Variants in ASB2 observed in about 807,000 individuals in gnomAD.
ASB2 encodes ankyrin repeat and SOCS box protein 2.
Under a neutral mutation model 62.4 loss-of-function variants are expected in ASB2, and 58 were observed. That is an observed-to-expected ratio of 0.93 (90% CI 0.75 to 1.16). The LOEUF (loss-of-function observed/expected upper bound fraction) is 1.16. ASB2 is among the 50% of genes most tolerant of loss of function. ASB2 has a pLI of 0.00. For synonymous variants in ASB2, 386 were observed against 385.3 expected, an observed-to-expected ratio of 1.00 and a Z score of -0.02; for missense variants, 928 against 887.9, an observed-to-expected ratio of 1.05 and a Z score of -0.57.
rs1479751789 is a variant in ASB2 at position 93,939,198 on chromosome 14, G to A, written c.1527C>T (p.Leu509=). Reference sequence around the variant, plus strand: ...CCGGCGGGTGCGGGCCGTTGCCGTAGAGGCATGAGAAGCAGGGCTCGCCGT... The same window carrying A: ...CCGGCGGGTGCGGGCCGTTGCCGTAAAGGCATGAGAAGCAGGGCTCGCCGT... ...GCDGEPCFSC[L]YGNGPHPPAP... Residue 509 remains leucine, a synonymous_variant, in exon 8 of 10, where the codon CTC becomes CTT. Transcript: ENST00000555019. 6.2e-7 allele frequency: 1 copy of A among 1,604,504 alleles called. No individual in the cohort carries two copies. Among genetic ancestry groups the A allele is most frequent in the Non-Finnish European group, 8.5e-7 (1 of 1,173,746 alleles).
At chr14:93,966,364 A>T (rs1324329637) in intron 1 of ASB2, among the ~76,000 whole-genome samples, 1 of 152,194 alleles carries the variant, frequency 6.6e-6, no homozygotes. Flanking sequence ...GCCTAGTTTT[A>T]TCCAAAGAGT....
At chr14:93,976,263 A>C (rs748855200) in intron 1 of ASB2, among the ~76,000 whole-genome samples, 171 bp downstream of exon 1, 12 of 152,232 alleles carry the variant, frequency 7.9e-5, no homozygotes, top group Non-Finnish European at 1.5e-4. Context: ...CATTGCATCC[A>C]AAACGAAAGT....
At position 93,939,530 on chromosome 14, in the gene ASB2, G is replaced by C; in HGVS notation, c.1195C>G (p.Leu399Val). The change falls in exon 8 of 10, where the codon CTG (leucine) becomes GTG (valine). Residue 399 changes from leucine (L) to valine (V), a missense_variant. Leu to Val is a conservative substitution (Grantham distance 32, BLOSUM62 1). Transcript: ENST00000555019. ...TAGAGGCGCGCGCGCTCGGGGGCCA[G>C]CGGCGTGTTCACGTCGAAGCGCGCG... Reference protein sequence around the residue: ...LSARFDVNTPLAPERARLYED... With the variant: ...LSARFDVNTPVAPERARLYED... 1 of 1,604,118 alleles carries C rather than the reference G, an allele frequency of 6.2e-7. No individual in the cohort carries two copies. Among genetic ancestry groups the C allele is most frequent in the Non-Finnish European group, 8.5e-7 (1 of 1,175,978 alleles).
intron 2 of ASB2, among the ~76,000 whole-genome samples, chr14:93,958,015 C>G (rs1261463809): frequency 6.6e-6 from 1 of 152,174 alleles, no homozygotes; most frequent in African/African-American, 2.4e-5. Context: ...TAGGCCAGAG[C>G]CTACAGATTC....
chr14:93,961,239 T>G (rs1443612719), intron 2 of ASB2, among the ~76,000 whole-genome samples: 4 of 152,238 alleles, frequency 2.6e-5, no homozygotes, highest in African/African-American at 9.6e-5. Context: ...TTTTTGTTGT[T>G]GCTGTTATAA....
chr14:93,965,517 A>G (rs1889560651), intron 1 of ASB2, among the ~76,000 whole-genome samples: 1 of 152,226 alleles, frequency 6.6e-6, no homozygotes. Flanking sequence ...AAAATGCCTC[A>G]AAGAGTAATA....
chr14:93,949,220 T>C (rs1176676903), intron 6 of ASB2, among the ~76,000 whole-genome samples: 4 of 152,330 alleles, frequency 2.6e-5, no homozygotes, highest in African/African-American at 9.6e-5. Flanking sequence ...TCTCTAAGCA[T>C]GTTGCTGATC....
chr14:93,934,511 T>G lies in ASB2; in HGVS notation c.*145A>C. On this transcript the variant is annotated 3_prime_UTR_variant, in exon 10 of 10. Coordinates refer to ENST00000555019, the MANE Select transcript of ASB2 (RefSeq NM_001202429.2). Reference sequence around the variant, plus strand: ...CAAAGCTCTGGGCCCTGAGACCCAGTGAGATCCTGGTAGCTGTCCAGGCTG... The same window carrying G: ...CAAAGCTCTGGGCCCTGAGACCCAGGGAGATCCTGGTAGCTGTCCAGGCTG... 6.8e-6 allele frequency: 5 copies of G among 730,252 alleles called. No homozygotes were observed. The highest frequency in any genetic ancestry group is 9.1e-6 in the Non-Finnish European group (4 of 437,162). 45.2% of individuals were successfully genotyped at this position (730,252 alleles called of 1,614,324 possible).
rs1320781569 is a variant in ASB2, at chr14:93,934,735, T to C, written c.1829A>G (p.Lys610Arg). 3.1e-6 allele frequency: 5 copies of C among 1,613,674 alleles called. No homozygotes were observed. In the East Asian group the frequency reaches 1.1e-4, roughly 36 times the overall value. The change falls in exon 10 of 10, where the codon AAA (lysine) becomes AGA (arginine). Residue 610 changes from lysine (K) to arginine (R), a missense_variant. Physicochemically the swap from Lys to Arg is conservative, Grantham distance 26. Transcript: ENST00000555019. ...GGTGTCTAGGAGTTTTATACGGTAT[T>C]TCCCAATGGCCTTTCGAACCCGCAG... is the stretch of plus-strand genomic sequence containing the variant. ...CRLRVRKAIG[K>R]YRIKLLDTLP...
Position 93,951,054 on chromosome 14 carries a change from C to T in ASB2, c.825G>A (p.Leu275=), listed in dbSNP as rs2141291053. ...ACTGTCCACTCTGGGCGGCCACGAACAAGGGGGTGATGCCGTAGGCGTTCT... is the reference window on the plus strand; with the variant it reads ...ACTGTCCACTCTGGGCGGCCACGAATAAGGGGGTGATGCCGTAGGCGTTCT... ...ESKNAYGITP[L]FVAAQSGQLE... is the part of the protein sequence containing the mutation. Residue 275 remains leucine (L), a synonymous_variant, in exon 6 of 10, where the codon TTG becomes TTA. Transcript: ENST00000555019. 2 of 1,614,186 alleles carry T rather than the reference C, an allele frequency of 1.2e-6. No homozygotes were observed. Among genetic ancestry groups the T allele is most frequent in the Non-Finnish European group, 1.7e-6 (2 of 1,180,050 alleles).
At chr14:93,976,242 G>T (rs984180630) in intron 1 of ASB2, among the ~76,000 whole-genome samples, 192 bp downstream of exon 1, 4 of 152,216 alleles carry the variant, frequency 2.6e-5, no homozygotes, top group Non-Finnish European at 5.9e-5. Flanking sequence ...GCAAATTGCT[G>T]AGTCTCTGTT....
At chr14:93,953,209 A>T in intron 5 of ASB2, 143 bp downstream of exon 5, 1 of 726,442 alleles carries the variant, frequency 1.4e-6, no homozygotes, top group East Asian at 2.7e-5. Flanking sequence ...TACATGCAGG[A>T]ATGAATGATT....
intron 7 of ASB2, 53 bp from the exon 8 acceptor site, chr14:93,939,725 G>A: frequency 7.6e-7 from 1 of 1,307,882 alleles, no homozygotes; most frequent in Non-Finnish European, 9.9e-7. Context: ...GTGTGGACGG[G>A]TAGGGCCGGC....
chr14:93,951,336 C>T, intron 5 of ASB2, 92 bp from the exon 6 acceptor site: 1 of 1,429,268 alleles, frequency 7.0e-7, no homozygotes, highest in Non-Finnish European at 9.4e-7. Context: ...TTCACTCATC[C>T]ACTCATTCAG....
intron 1 of ASB2, among the ~76,000 whole-genome samples, chr14:93,968,755 C>T (rs1432726345): frequency 6.6e-6 from 1 of 152,218 alleles, no homozygotes; most frequent in Admixed American, 6.5e-5. Flanking sequence ...AGAGGCCTGT[C>T]TCCCTAGAAA....
At chr14:93,961,829 C>T (rs1024279454) in intron 2 of ASB2, among the ~76,000 whole-genome samples, 3 of 152,122 alleles carry the variant, frequency 2.0e-5, no homozygotes, top group Admixed American at 6.5e-5. Flanking sequence ...GGGAGACGGA[C>T]GTAATGAGGT....
chr14:93,951,190 T>C lies in ASB2; in HGVS notation c.689A>G (p.Asp230Gly). Reference sequence around the variant, plus strand: ...GCCGCGGTTGCAGCGGTGGTTGGTGTCTGCATTGTGCTGCACCAGAATCTT... The same window carrying C: ...GCCGCGGTTGCAGCGGTGGTTGGTGCCTGCATTGTGCTGCACCAGAATCTT... ...AVKILVQHNA[D>G]TNHRCNRGWT... Residue 230 changes from aspartate (D) to glycine (G), a missense_variant, in exon 6 of 10, where the codon GAC (aspartate) becomes GGC (glycine). Asp to Gly is a moderately conservative substitution (Grantham distance 94). Coordinates refer to ENST00000555019, the MANE Select transcript of ASB2 (RefSeq NM_001202429.2). 3.7e-6 allele frequency: 6 copies of C among 1,613,188 alleles called. No homozygotes were observed. The highest frequency in any genetic ancestry group is 5.1e-6 in the Non-Finnish European group (6 of 1,179,666).
In ASB2 at chr14:93,951,136, C is replaced by G; in HGVS notation, c.743G>C (p.Arg248Pro). The G allele has an allele frequency of 1.9e-6, 3 of 1,614,182 alleles. No homozygotes were observed. The highest frequency in any genetic ancestry group is 2.5e-6 in the Non-Finnish European group (3 of 1,180,034). ...GATCTGCATGACCTCCAGGTCATTG[C>G]GAGACACAGACTCGTGCAGAGCGGT... ...GWTALHESVS[R>P]NDLEVMQILV... is the part of the protein sequence containing the mutation. Residue 248 changes from arginine (R) to proline (P), a missense_variant, in exon 6 of 10, where the codon CGC becomes CCC. Physicochemically the swap from Arg to Pro is moderately radical, Grantham distance 103. Coordinates refer to ENST00000555019, the MANE Select transcript of ASB2 (RefSeq NM_001202429.2).
At chr14:93,957,124 C>A in intron 2 of ASB2, 2 of 1,370,028 alleles carry the variant, frequency 1.5e-6, no homozygotes, top group Non-Finnish European at 1.9e-6. Flanking sequence ...ATGAGGTTAA[C>A]CTCACCCCAC....
Sources: gnomAD v4.1 joint callset for allele counts (sites outside exome capture counted in the v4.1 genomes callset) on GRCh38, gnomAD v4.1.1 for gene constraint, MANE v1.5 for transcripts, NCBI Gene and HGNC (gene_info 2026-07-23, HGNC 2026-07-21) for gene names.